The following DOK6 variants were observed in gnomAD, a reference collection of about 807,000 sequenced individuals.
DOK6 encodes the protein docking protein 6.
Under a neutral mutation model 44.0 loss-of-function variants are expected in DOK6, and 22 were observed. The ratio of observed to expected loss-of-function variants is 0.50; its 90% CI spans 0.36 to 0.71. The LOEUF is 0.71. Among genes scored for constraint, DOK6 ranks in the 30% least tolerant of loss-of-function variants. The pLI is 0.00. For synonymous variants in DOK6, 166 were observed against 145.5 expected, an observed-to-expected ratio of 1.14 and a Z score of -1.01; for missense variants, 340 against 416.4, an observed-to-expected ratio of 0.82 and a Z score of 1.60.
At chr18:69,546,818 C>T (rs1041405583) in intron 1 of DOK6, among the ~76,000 whole-genome samples, 1 of 151,480 alleles carries the variant, frequency 6.6e-6, no homozygotes. Context: ...ATTTTAAGTC[C>T]TCTCTTCTAG....
intron 7 of DOK6, among the ~76,000 whole-genome samples, chr18:69,801,020 C>T (rs541541463): frequency 6.6e-6 from 1 of 152,108 alleles, no homozygotes; most frequent in Admixed American, 6.6e-5. Flanking sequence ...TGATTCATAT[C>T]TCCCAGAGAC....
chr18:69,421,916 A>G (rs1054282457), intron 1 of DOK6, among the ~76,000 whole-genome samples: 21 of 152,204 alleles, frequency 1.4e-4, no homozygotes, highest in Non-Finnish European at 2.4e-4. Context: ...CCTTCACCTG[A>G]CTAGCTCTTC....
chr18:69,514,443 A>G (rs1190021455), intron 1 of DOK6, among the ~76,000 whole-genome samples: 1 of 152,188 alleles, frequency 6.6e-6, no homozygotes, highest in Non-Finnish European at 1.5e-5. Context: ...AAATTTTAAT[A>G]GGATATTGTG....
intron 3 of DOK6, among the ~76,000 whole-genome samples, chr18:69,617,726 A>AGAAAGAAAG (rs1377399642): frequency 2.3e-4 from 27 of 115,926 alleles, no homozygotes; most frequent in Admixed American, 5.0e-4. Context: ...AAAGAAAGAA[A>AGAAAGAAAG]AAAGGGGGAA....
chr18:69,767,442 T>C (rs551472438), intron 7 of DOK6, among the ~76,000 whole-genome samples: 58 of 152,266 alleles, frequency 3.8e-4, no homozygotes, highest in African/African-American at 1.3e-3. Context: ...CCATGCCTTA[T>C]ATTGCTCAGT....
intron 3 of DOK6, among the ~76,000 whole-genome samples, chr18:69,624,762 T>C (rs1984518587): frequency 6.6e-6 from 1 of 152,118 alleles, no homozygotes; most frequent in Admixed American, 6.5e-5. Context: ...GGCTTTGCAA[T>C]CATTTTATCA....
At chr18:69,738,598 C>T (rs957823322) in intron 5 of DOK6, among the ~76,000 whole-genome samples, 1 of 152,126 alleles carries the variant, frequency 6.6e-6, no homozygotes, top group Non-Finnish European at 1.5e-5. Context: ...AACTGCATAA[C>T]AGTTTGCCCA....
intron 1 of DOK6, among the ~76,000 whole-genome samples, chr18:69,498,123 C>T (rs1403716298): frequency 6.6e-6 from 1 of 152,014 alleles, no homozygotes; most frequent in Non-Finnish European, 1.5e-5. Context: ...GAATGTTAAT[C>T]TTACTATGTG....
intron 1 of DOK6, among the ~76,000 whole-genome samples, chr18:69,412,251 G>A (rs995221432): frequency 1.3e-5 from 2 of 152,060 alleles, no homozygotes; most frequent in East Asian, 1.9e-4. Flanking sequence ...CCAGAACTCC[G>A]CTGAGAGACA....
rs192276802 is a variant in DOK6, at chr18:69,437,065, C to G, written c.66+35755C>G. Among the ~76,000 whole-genome samples the G allele has an allele frequency of 5.3e-5, 8 of 152,242 alleles. No homozygotes were observed. The East Asian group carries it at 1.3e-3, about 26-fold the overall frequency. ...TAGATTCTGGATATTAGTCCTTTGT[C>G]AGATGGACAGATTGCAATAATTTTC... On this transcript the variant is annotated intron_variant, in intron 1 of 7. Transcript: ENST00000382713.
intron 1 of DOK6, among the ~76,000 whole-genome samples, chr18:69,434,840 T>G (rs1485334848): frequency 6.6e-6 from 1 of 150,390 alleles, no homozygotes; most frequent in Non-Finnish European, 1.5e-5. Flanking sequence ...GAGAATCGCT[T>G]GAACCAGGGA....
At chr18:69,416,212 A>G (rs1375737902) in intron 1 of DOK6, among the ~76,000 whole-genome samples, 1 of 148,330 alleles carries the variant, frequency 6.7e-6, no homozygotes, top group Non-Finnish European at 1.5e-5. Flanking sequence ...GAAGGAAGGA[A>G]CGAAGGAAGG....
At chr18:69,410,783 CTTAAT>C in intron 1 of DOK6, among the ~76,000 whole-genome samples, 1 of 152,226 alleles carries the variant, frequency 6.6e-6, no homozygotes, top group South Asian at 2.1e-4. Context: ...TTAAATTGTA[CTTAAT>C]TTAAGACTCA....
chr18:69,581,162 C>T (rs1294330300), intron 2 of DOK6, among the ~76,000 whole-genome samples: 1 of 152,174 alleles, frequency 6.6e-6, no homozygotes, highest in Admixed American at 6.5e-5. Context: ...CATGACCTAA[C>T]TTAAGGCATG....
At chr18:69,636,796 G>A (rs528724101) in intron 3 of DOK6, among the ~76,000 whole-genome samples, 1 of 152,262 alleles carries the variant, frequency 6.6e-6, no homozygotes, top group South Asian at 2.1e-4. Flanking sequence ...CACATTTTCG[G>A]TTCCAGTACT....
rs1358348597 is a variant in DOK6 at position 69,842,501 on chromosome 18, C to G, written c.*1118C>G. ...AGTAAAGAGAAGAACAAAATGGGTA[C>G]AGGATTGTGGATATCATAGATGCTG... On this transcript the variant is annotated 3_prime_UTR_variant, in exon 8 of 8. Transcript: ENST00000382713. The G allele has an allele frequency of 3.9e-5, 6 of 152,188 alleles. No homozygotes were observed. Among genetic ancestry groups the G allele is most frequent in the Non-Finnish European group, 7.3e-5 (5 of 68,038 alleles). 9.4% of individuals were successfully genotyped at this position (152,188 alleles called of 1,614,324 possible). A position where few individuals can be genotyped will look rare whatever the true frequency, so the allele number is the denominator to read the frequency against.
At chr18:69,413,961 A>G (rs879387925) in intron 1 of DOK6, among the ~76,000 whole-genome samples, 4 of 151,958 alleles carry the variant, frequency 2.6e-5, no homozygotes, top group African/African-American at 4.8e-5. Context: ...ACCAAAGTTG[A>G]CATATATACA....
At chr18:69,461,335 T>C (rs2197164) in intron 1 of DOK6, among the ~76,000 whole-genome samples, 10,443 of 152,252 alleles carry the variant, frequency 0.069, 383 homozygotes, top group Middle Eastern at 0.13. Context: ...TTCTATTTCC[T>C]TTAGTTTCTG....
intron 1 of DOK6, among the ~76,000 whole-genome samples, chr18:69,442,355 C>G (rs1200791532): frequency 2.6e-5 from 4 of 152,140 alleles, no homozygotes; most frequent in African/African-American, 9.7e-5. Context: ...CACAATTCAG[C>G]ATGGCTGCAG....
Sources: gnomAD v4.1 joint callset for allele counts (sites outside exome capture counted in the v4.1 genomes callset) on GRCh38, gnomAD v4.1.1 for gene constraint, MANE v1.5 for transcripts, NCBI Gene and HGNC (gene_info 2026-07-23, HGNC 2026-07-21) for gene names.